Variants in NR6A1 observed in about 807,000 individuals in gnomAD.
NR6A1 encodes the protein nuclear receptor subfamily 6 group A member 1.
Under a neutral mutation model 59.1 loss-of-function variants are expected in NR6A1, and 7 were observed. The ratio of observed to expected loss-of-function variants is 0.12; its 90% CI spans 0.07 to 0.22. The LOEUF (loss-of-function observed/expected upper bound fraction) is 0.22. NR6A1 is among the 10% of genes least tolerant of loss of function. The pLI is 1.00. For missense variants in NR6A1, 468 were observed against 611.6 expected (o/e 0.77, Z 2.48); for synonymous variants, 243 against 236.1 (o/e 1.03, Z -0.27).
At chr9:124,769,274 C>G (rs1841038190) in intron 1 of NR6A1, among the ~76,000 whole-genome samples, 1 of 150,802 alleles carries the variant, frequency 6.6e-6, no homozygotes, top group Non-Finnish European at 1.5e-5. Context: ...AAAAAGAGCT[C>G]TGAAAACACA....
intron 2 of NR6A1, among the ~76,000 whole-genome samples, chr9:124,587,889 A>G (rs979770282): frequency 2.0e-5 from 3 of 152,172 alleles, no homozygotes; most frequent in African/African-American, 7.2e-5. Context: ...CCCTACCAAC[A>G]GTCTCACTTG....
At chr9:124,665,010 C>CAAAAA (rs59451556) in intron 2 of NR6A1, among the ~76,000 whole-genome samples, 1 of 13,740 alleles carries the variant, frequency 7.3e-5, no homozygotes, top group African/African-American at 1.4e-4. Flanking sequence ...CTTGTATCTC[C>CAAAAA]AAAAAAAAAA....
intron 1 of NR6A1, among the ~76,000 whole-genome samples, chr9:124,761,530 G>A (rs1295739393): frequency 1.3e-5 from 2 of 152,142 alleles, no homozygotes; most frequent in African/African-American, 2.4e-5. Context: ...CTCACACTAG[G>A]AAAGGATATT....
chr9:124,711,221 C>T (rs963621940), intron 2 of NR6A1, among the ~76,000 whole-genome samples: 3 of 141,034 alleles, frequency 2.1e-5, no homozygotes, highest in Non-Finnish European at 4.6e-5. Flanking sequence ...AAAAAGCTGG[C>T]ATCTTTGCCA....
intron 4 of NR6A1, among the ~76,000 whole-genome samples, chr9:124,543,103 A>T (rs139415555): frequency 1.3e-5 from 2 of 152,256 alleles, no homozygotes; most frequent in African/African-American, 4.8e-5. Context: ...ATCTTCTGCC[A>T]CTCTACTACA....
intron 2 of NR6A1, among the ~76,000 whole-genome samples, chr9:124,586,108 G>A (rs1381672218): frequency 6.6e-6 from 1 of 152,182 alleles, no homozygotes; most frequent in Non-Finnish European, 1.5e-5. Context: ...GAATCATGGA[G>A]TAATTTTTGA....
chr9:124,698,655 A>T (rs963535582), intron 2 of NR6A1: 25 of 152,182 alleles, frequency 1.6e-4, no homozygotes, highest in African/African-American at 5.8e-4. Flanking sequence ...TTTTTTATCA[A>T]ACGAATTTTC....
At position 124,672,642 on chromosome 9, in the gene NR6A1, A is replaced by G. The variant is rs111462202; in HGVS notation, c.142+60666T>C. On this transcript the variant is annotated intron_variant, in intron 2 of 9. Transcript: ENST00000487099. ...AAAAAAAAAAGAATTGCTTAAGTTC[A>G]AGTTTCCCAGATGCTACTAGAGGTT... Among the ~76,000 whole-genome samples, 692 of 152,234 alleles carry G rather than the reference A, an allele frequency of 4.5e-3. 3 individuals carry two copies. The highest frequency in any genetic ancestry group is 0.016 in the African/African-American group (669 of 41,530).
chr9:124,530,188 T>C (rs1421314466), intron 7 of NR6A1, among the ~76,000 whole-genome samples: 1 of 152,138 alleles, frequency 6.6e-6, no homozygotes. Context: ...CCATACACCC[T>C]AGATCTGCCC....
At chr9:124,586,718 G>C (rs1177475405) in intron 2 of NR6A1, among the ~76,000 whole-genome samples, 4 of 152,110 alleles carry the variant, frequency 2.6e-5, no homozygotes, top group African/African-American at 9.7e-5. Context: ...CAAAGTGCTG[G>C]GATTACAGGT....
intron 9 of NR6A1, 70 bp downstream of exon 9, chr9:124,524,651 G>T: frequency 6.4e-7 from 1 of 1,558,736 alleles, no homozygotes; most frequent in Non-Finnish European, 8.7e-7. Context: ...TGAAAACACT[G>T]CTTGCCTCAT....
intron 5 of NR6A1, 72 bp downstream of exon 5, chr9:124,539,961 A>C: frequency 6.7e-7 from 1 of 1,486,952 alleles, no homozygotes; most frequent in Non-Finnish European, 8.9e-7. Context: ...ATACTCAGCC[A>C]GAGGTTTTCT....
intron 2 of NR6A1, among the ~76,000 whole-genome samples, chr9:124,609,262 G>C (rs893119537): frequency 4.6e-5 from 7 of 152,046 alleles, no homozygotes; most frequent in African/African-American, 1.4e-4. Context: ...TAAGTCTTTA[G>C]TCCATCTTGA....
intron 2 of NR6A1, among the ~76,000 whole-genome samples, chr9:124,687,285 T>G (rs765673095): frequency 8.5e-6 from 1 of 117,790 alleles, no homozygotes; most frequent in Non-Finnish European, 1.7e-5. Context: ...CACAGCCAGC[T>G]AATTAATTAT....
intron 2 of NR6A1, among the ~76,000 whole-genome samples, chr9:124,680,859 A>G (rs1273183526): frequency 6.6e-6 from 1 of 152,228 alleles, no homozygotes; most frequent in Non-Finnish European, 1.5e-5. Flanking sequence ...CACTATGTTG[A>G]CATTTGTAAT....
chr9:124,566,757 C>A (rs73579851), intron 2 of NR6A1, among the ~76,000 whole-genome samples: 2,760 of 152,276 alleles, frequency 0.018, 77 homozygotes, highest in African/African-American at 0.062. Context: ...TGAGGCAACA[C>A]TAACAGAAAA....
chr9:124,733,957 C>T (rs1839953262), intron 1 of NR6A1, among the ~76,000 whole-genome samples: 1 of 152,146 alleles, frequency 6.6e-6, no homozygotes, highest in Admixed American at 6.5e-5. Context: ...AAAGTATGAG[C>T]TATATTTGTC....
intron 3 of NR6A1, 99 bp downstream of exon 3, chr9:124,554,229 T>C: frequency 1.3e-6 from 2 of 1,558,996 alleles, no homozygotes; most frequent in South Asian, 2.3e-5. Flanking sequence ...TAAGGCCTGA[T>C]ATGTAGTGCA....
At chr9:124,660,648 C>CAAAAAA (rs753242760) in intron 2 of NR6A1, among the ~76,000 whole-genome samples, 8 of 92,804 alleles carry the variant, frequency 8.6e-5, no homozygotes, top group South Asian at 7.6e-4. Context: ...TCTGAGAATA[C>CAAAAAA]AAAAAAAAAA....
Sources: gnomAD v4.1 joint callset for allele counts (sites outside exome capture counted in the v4.1 genomes callset) on GRCh38, gnomAD v4.1.1 for gene constraint, MANE v1.5 for transcripts, NCBI Gene and HGNC (gene_info 2026-07-23, HGNC 2026-07-21) for gene names.